Variants in TRPC5 observed in about 807,000 individuals in gnomAD.
TRPC5 encodes the protein transient receptor potential cation channel subfamily C member 5.
TRPC5 carries 9 observed loss-of-function variants against 56.5 expected under a neutral mutation model. The observed-to-expected ratio is 0.16, with a 90% CI of 0.10 to 0.28. The LOEUF is 0.28. TRPC5 is among the 10% of genes least tolerant of loss of function. The probability of loss-of-function intolerance (pLI) is 1.00; values close to 1 mark genes in which losing one functional copy is unlikely to be tolerated. For synonymous variants in TRPC5, 282 were observed against 278.5 expected (o/e 1.01, Z -0.13); for missense variants, 469 against 748.9 (o/e 0.63, Z 4.36).
chrX:111,944,303 T>TGAGAAA (rs1556592297), intron 2 of TRPC5, among the ~76,000 whole-genome samples: 1 of 61,393 alleles, frequency 1.6e-5, no homozygotes, highest in Admixed American at 1.9e-4. Context: ...TGTGTGTGTG[T>TGAGAAA]GAGAGAGAGA....
chrX:111,971,137 G>A (rs759520968), intron 1 of TRPC5, among the ~76,000 whole-genome samples: 35 of 111,338 alleles, frequency 3.1e-4, no homozygotes, highest in African/African-American at 1.1e-3. Context: ...GATAGACAAG[G>A]TGATTGTTAT....
In TRPC5 at chrX:111,776,170, G is replaced by C; in HGVS notation, c.*143C>G. ...AACAAGAACAAAAATGGAGAATGTG[G>C]CTATAAAAGATGGTGCAAATAAGAG... On this transcript the variant is annotated 3_prime_UTR_variant, in exon 11 of 11. Transcript: ENST00000262839. 2 of 531,805 alleles carry C rather than the reference G, an allele frequency of 3.8e-6. No homozygotes were observed. The highest frequency in any genetic ancestry group is 5.8e-6 in the Non-Finnish European group (2 of 346,266). 43.8% of individuals were successfully genotyped at this position (531,805 alleles called of 1,213,427 possible). A position where few individuals can be genotyped will look rare whatever the true frequency, so the allele number is the denominator to read the frequency against.
At chrX:111,959,107 C>T (rs953205307) in intron 1 of TRPC5, among the ~76,000 whole-genome samples, 59 of 112,180 alleles carry the variant, frequency 5.3e-4, no homozygotes, top group Middle Eastern at 4.6e-3. Flanking sequence ...AAATAAAGAA[C>T]GCTGATAAAT....
intron 1 of TRPC5, among the ~76,000 whole-genome samples, chrX:111,988,238 C>T (rs1373958009): frequency 1.8e-5 from 2 of 111,369 alleles, no homozygotes; most frequent in East Asian, 5.7e-4. Flanking sequence ...TATCTAGACA[C>T]ACTGGCAACC....
intron 4 of TRPC5, 55 bp from the exon 5 acceptor site, chrX:111,852,492 TAGA>T: frequency 9.1e-7 from 1 of 1,097,186 alleles, no homozygotes; most frequent in Non-Finnish European, 1.2e-6. Flanking sequence ...CTGCTCATCA[TAGA>T]AGGATTCCCC....
In TRPC5 at chrX:111,970,031, A is replaced by G. The variant is rs769296343; in HGVS notation, c.-21-17590T>C. Reference sequence around the variant, plus strand: ...AATTTTAGAGTTATTTCAAAGGAAGATAAAACAAGCCTTGTTAGTGAATAA... The same window carrying G: ...AATTTTAGAGTTATTTCAAAGGAAGGTAAAACAAGCCTTGTTAGTGAATAA... On this transcript the variant is annotated intron_variant, in intron 1 of 10. Transcript: ENST00000262839. Among the ~76,000 whole-genome samples, 7 of 111,197 alleles carry G rather than the reference A, an allele frequency of 6.3e-5. No individual in the cohort carries two copies. In the South Asian group the frequency reaches 2.7e-3, roughly 43 times the overall value.
chrX:112,026,928 A>AAAAGAAAGAAAG (rs376571702), intron 1 of TRPC5, among the ~76,000 whole-genome samples: 5 of 108,974 alleles, frequency 4.6e-5, no homozygotes, highest in African/African-American at 1.7e-4. Context: ...AAGAAGAAGA[A>AAAAGAAAGAAAG]AAAGAAAGAA....
rs770382118 is a variant in TRPC5, at chrX:111,773,388, G to A, written c.*2925C>T. ...TCAAATAAATGAATCCAAGGTGTCC[G>A]GAAGTGATAAGCCAACTGTAATGTA... On this transcript the variant is annotated 3_prime_UTR_variant, in exon 11 of 11. Transcript: ENST00000262839. Among the ~76,000 whole-genome samples the A allele has an allele frequency of 3.6e-5, 4 of 111,618 alleles. No homozygotes were observed. Among genetic ancestry groups the A allele is most frequent in the African/African-American group, 9.8e-5 (3 of 30,689 alleles).
chrX:111,894,702 G>A (rs1924971983), intron 3 of TRPC5, among the ~76,000 whole-genome samples: 1 of 108,834 alleles, frequency 9.2e-6, no homozygotes, highest in Admixed American at 9.7e-5. Context: ...GTTTTTATAG[G>A]ATGTAGGCCT....
intron 1 of TRPC5, among the ~76,000 whole-genome samples, chrX:112,056,820 C>T (rs1463522379): frequency 1.8e-5 from 2 of 112,248 alleles, no homozygotes; most frequent in Admixed American, 9.5e-5. Context: ...AGTGGGGTAG[C>T]GGCATAGGCA....
intron 1 of TRPC5, among the ~76,000 whole-genome samples, chrX:112,019,590 C>T (rs760542611): frequency 4.9e-4 from 54 of 111,335 alleles, no homozygotes; most frequent in African/African-American, 1.7e-3. Flanking sequence ...CGCCCACCAC[C>T]ACACCCGGCT....
At chrX:111,799,074 T>TG (rs993680401) in intron 7 of TRPC5, among the ~76,000 whole-genome samples, 22 of 110,720 alleles carry the variant, frequency 2.0e-4, no homozygotes, top group Admixed American at 1.5e-3. Context: ...GTTCTGTTCT[T>TG]GGGGGGGAAA....
chrX:111,783,172 T>C (rs887548822), intron 7 of TRPC5, among the ~76,000 whole-genome samples: 1 of 112,375 alleles, frequency 8.9e-6, no homozygotes, highest in African/African-American at 3.2e-5. Flanking sequence ...TTTTCTATTA[T>C]ATGGATGCAC....
intron 1 of TRPC5, among the ~76,000 whole-genome samples, chrX:111,996,413 C>T (rs926300036): frequency 1.2e-4 from 13 of 111,543 alleles, no homozygotes; most frequent in Non-Finnish European, 2.4e-4. Flanking sequence ...ATTATGTGGT[C>T]AATTTTAGAA....
At chrX:112,040,590 T>C (rs749259994) in intron 1 of TRPC5, among the ~76,000 whole-genome samples, 32 of 111,363 alleles carry the variant, frequency 2.9e-4, no homozygotes, top group African/African-American at 9.8e-4. Flanking sequence ...AGGAAGATAA[T>C]AGGGAATTAC....
intron 1 of TRPC5, among the ~76,000 whole-genome samples, chrX:112,002,779 T>C (rs112149012): frequency 0.094 from 10,568 of 111,924 alleles, 781 homozygotes; most frequent in African/African-American, 0.26. Context: ...TTAAACAATC[T>C]TTCATTTGTT....
In TRPC5 at chrX:111,920,192, T is replaced by C. The variant is rs56356811; in HGVS notation, c.379-7380A>G. On this transcript the variant is annotated intron_variant, in intron 2 of 10. Coordinates refer to ENST00000262839, the MANE Select transcript of TRPC5 (RefSeq NM_012471.3). Reference sequence around the variant, plus strand: ...CGGGAGGCTGAGGCAGGAGAATCACTTGAACCCGGGAGATGGAGGTTGCAG... The same window carrying C: ...CGGGAGGCTGAGGCAGGAGAATCACCTGAACCCGGGAGATGGAGGTTGCAG... Among the ~76,000 whole-genome samples, 803 of 111,252 alleles carry C rather than the reference T, an allele frequency of 7.2e-3. 1 individual carries two copies. Among genetic ancestry groups the C allele is most frequent in the Non-Finnish European group, 0.011 (579 of 53,001 alleles).
At chrX:111,790,618 C>T (rs767161655) in intron 7 of TRPC5, among the ~76,000 whole-genome samples, 1 of 111,356 alleles carries the variant, frequency 9.0e-6, no homozygotes, top group South Asian at 3.8e-4. Context: ...TTTTGGGAAG[C>T]TTTTATGCTG....
chrX:111,843,773 T>G (rs988543767), intron 6 of TRPC5, among the ~76,000 whole-genome samples: 12 of 109,363 alleles, frequency 1.1e-4, no homozygotes, highest in Non-Finnish European at 2.3e-4. Context: ...AGGAGAGTGT[T>G]TGGAGAGAAG....
Sources: gnomAD v4.1 joint callset for allele counts (sites outside exome capture counted in the v4.1 genomes callset) on GRCh38, gnomAD v4.1.1 for gene constraint, MANE v1.5 for transcripts, NCBI Gene and HGNC (gene_info 2026-07-23, HGNC 2026-07-21) for gene names.